The following AGBL1 variants were observed in gnomAD, a reference collection of about 807,000 sequenced individuals.
AGBL1 encodes AGBL carboxypeptidase 1, also known as cytosolic carboxypeptidase 4.
A neutral mutation model predicts 118.9 loss-of-function variants in AGBL1; 130 were observed. That is an observed-to-expected ratio of 1.09 (90% CI 0.95 to 1.26). The LOEUF (loss-of-function observed/expected upper bound fraction) is 1.26, where lower values mean the gene tolerates loss of function less well. Ranked by LOEUF, AGBL1 falls within the 50% of genes most tolerant of loss-of-function variation. The pLI, the probability that AGBL1 is intolerant of heterozygous loss-of-function variation, is 0.00. For missense variants in AGBL1, 1,584 were observed against 1,298.1 expected (o/e 1.22, Z -3.38); for synonymous variants, 555 against 478.9 (o/e 1.16, Z -2.08).
intron 22 of AGBL1, among the ~76,000 whole-genome samples, chr15:86,727,631 G>T (rs1188280400): frequency 6.6e-6 from 1 of 152,174 alleles, no homozygotes; most frequent in African/African-American, 2.4e-5. Context: ...AGAAGCAGGA[G>T]TGTGCAATTA....
chr15:86,541,022 G>A (rs1185524272), intron 19 of AGBL1, among the ~76,000 whole-genome samples: 4 of 152,182 alleles, frequency 2.6e-5, no homozygotes, highest in African/African-American at 9.7e-5. Context: ...CACCAAGGAG[G>A]CATAGCTTCT....
chr15:86,840,157 G>C (rs1257478450), intron 22 of AGBL1, among the ~76,000 whole-genome samples: 1 of 152,090 alleles, frequency 6.6e-6, no homozygotes, highest in Non-Finnish European at 1.5e-5. Flanking sequence ...TAAATTCCTT[G>C]GGTTCATCAA....
At chr15:86,995,849 C>G (rs954993194) in intron 24 of AGBL1, among the ~76,000 whole-genome samples, 2 of 152,172 alleles carry the variant, frequency 1.3e-5, no homozygotes, top group African/African-American at 2.4e-5. Context: ...AAATAAGAAT[C>G]TGCATTGATC....
chr15:86,357,398 T>A (rs2080738156), intron 17 of AGBL1, among the ~76,000 whole-genome samples: 1 of 152,206 alleles, frequency 6.6e-6, no homozygotes, highest in South Asian at 2.1e-4. Context: ...GGCGCAACAT[T>A]GGAGTGGGCT....
chr15:86,905,452 A>C (rs2080269066), intron 22 of AGBL1, among the ~76,000 whole-genome samples: 1 of 152,224 alleles, frequency 6.6e-6, no homozygotes, highest in Admixed American at 6.5e-5. Context: ...GTTTTGCAAC[A>C]GTTATTGCAG....
chr15:86,751,248 G>C (rs2077847250), intron 22 of AGBL1, among the ~76,000 whole-genome samples: 1 of 152,166 alleles, frequency 6.6e-6, no homozygotes, highest in African/African-American at 2.4e-5. Context: ...CCAACAGTGT[G>C]TAAGTGTTCC....
At chr15:86,181,323 G>A (rs1276457184) in intron 5 of AGBL1, among the ~76,000 whole-genome samples, 1 of 151,944 alleles carries the variant, frequency 6.6e-6, no homozygotes, top group East Asian at 1.9e-4. Context: ...ATAGAATATT[G>A]TTCAACAATA....
chr15:86,712,269 C>A (rs914984069), intron 22 of AGBL1, among the ~76,000 whole-genome samples: 1 of 152,058 alleles, frequency 6.6e-6, no homozygotes, highest in Non-Finnish European at 1.5e-5. Flanking sequence ...GATGTCCCAG[C>A]CTCGTTTTGT....
intron 18 of AGBL1, among the ~76,000 whole-genome samples, chr15:86,406,226 A>T (rs1225687645): frequency 6.6e-6 from 1 of 152,018 alleles, no homozygotes; most frequent in East Asian, 1.9e-4. Context: ...TTGCCTTCCT[A>T]TCTTTCTCTA....
Position 86,838,812 on chromosome 15 carries a change from T to G in AGBL1, c.3159-68275T>G, listed in dbSNP as rs1442720730. Among the ~76,000 whole-genome samples, 5 of 150,944 alleles carry G rather than the reference T, an allele frequency of 3.3e-5. No individual in the cohort carries two copies. In the East Asian group the frequency reaches 9.7e-4, roughly 29 times the overall value. On this transcript the variant is annotated intron_variant, in intron 22 of 22. Transcript: ENST00000614907. ...TTAAAAAAATAGTTGGACATGGTGG[T>G]GCATGCCTGTGGTCCCAGCTACTCG...
chr15:86,481,289 A>ATC (rs34895638), intron 18 of AGBL1, among the ~76,000 whole-genome samples: 3 of 17,002 alleles, frequency 1.8e-4, no homozygotes, highest in South Asian at 2.1e-3. Context: ...ATTTTAAACC[A>ATC]GTTTATGAAA....
intron 5 of AGBL1, among the ~76,000 whole-genome samples, chr15:86,205,746 T>A (rs8041206): frequency 0.017 from 2,563 of 152,320 alleles, 60 homozygotes; most frequent in African/African-American, 0.059. Flanking sequence ...CATCTGTATG[T>A]CTTCTTGATA....
intron 22 of AGBL1, among the ~76,000 whole-genome samples, chr15:86,812,409 A>G (rs2078801861): frequency 6.6e-6 from 1 of 152,252 alleles, no homozygotes; most frequent in Non-Finnish European, 1.5e-5. Flanking sequence ...AATGACTAAT[A>G]GAATTCTCAA....
chr15:86,249,346 G>T (rs1349182635), intron 7 of AGBL1, among the ~76,000 whole-genome samples: 1 of 152,112 alleles, frequency 6.6e-6, no homozygotes, highest in Non-Finnish European at 1.5e-5. Context: ...CAATGAGAGT[G>T]TTGTTTTTCC....
At chr15:86,783,838 C>T (rs1005160198) in intron 22 of AGBL1, among the ~76,000 whole-genome samples, 8 of 127,992 alleles carry the variant, frequency 6.3e-5, no homozygotes, top group African/African-American at 2.0e-4. Context: ...ACCATGTCAG[C>T]CAGGCTGGTC....
intron 22 of AGBL1, among the ~76,000 whole-genome samples, chr15:86,843,588 A>T (rs1172986365): frequency 6.6e-6 from 1 of 152,170 alleles, no homozygotes; most frequent in Admixed American, 6.6e-5. Context: ...ATTGTCCCCC[A>T]GGCAGGGAAA....
At position 86,766,045 on chromosome 15, in the gene AGBL1, C is replaced by A. The variant is rs184349685; in HGVS notation, c.3158+91609C>A. Among the ~76,000 whole-genome samples the A allele has an allele frequency of 5.3e-5, 8 of 152,070 alleles. No homozygotes were observed. In the East Asian group the frequency reaches 1.6e-3, roughly 30 times the overall value. ...ATAACCAATATTTACTGAGTGTTTA[C>A]TATGTGCCCTGCATGTTTTTAATAA... On this transcript the variant is annotated intron_variant, in intron 22 of 22. Transcript: ENST00000614907.
intron 1 of AGBL1, among the ~76,000 whole-genome samples, chr15:86,135,435 TG>T (rs1437126562): frequency 1.3e-5 from 2 of 152,198 alleles, no homozygotes; most frequent in Non-Finnish European, 2.9e-5. Context: ...GACACATAGT[TG>T]GCACTCTGTA....
chr15:86,534,569 C>T (rs1278080703), intron 19 of AGBL1, among the ~76,000 whole-genome samples: 1 of 152,118 alleles, frequency 6.6e-6, no homozygotes, highest in African/African-American at 2.4e-5. Flanking sequence ...GACTCCATTC[C>T]CATTTTCTTT....
Sources: allele counts gnomAD v4.1 joint callset (sites outside exome capture counted in the v4.1 genomes callset), GRCh38; gene constraint gnomAD v4.1.1; transcripts MANE v1.5; gene names NCBI Gene and HGNC (gene_info 2026-07-23, HGNC 2026-07-21).